The following GRK3 variants were observed in gnomAD, a reference collection of about 807,000 sequenced individuals.
GRK3 encodes the protein G protein-coupled receptor kinase 3.
Under a neutral mutation model 95.7 loss-of-function variants are expected in GRK3, and 54 were observed. The observed-to-expected ratio is 0.56, with a 90% CI of 0.45 to 0.71. The LOEUF (loss-of-function observed/expected upper bound fraction) is 0.71. Ranked by LOEUF, GRK3 falls within the 30% of genes least tolerant of loss-of-function variation. The pLI, the probability that GRK3 is intolerant of heterozygous loss-of-function variation, is 0.00. For synonymous variants in GRK3, 281 were observed against 290.8 expected (o/e 0.97, Z 0.34); for missense variants, 649 against 851.2 (o/e 0.76, Z 2.96).
chr22:25,644,046 G>A (rs2084762200), intron 2 of GRK3, among the ~76,000 whole-genome samples: 1 of 152,146 alleles, frequency 6.6e-6, no homozygotes, highest in African/African-American at 2.4e-5. Context: ...TCTGGCACTA[G>A]GTATTCGGTA....
At chr22:25,648,828 C>A (rs1419070625) in intron 3 of GRK3, 4 of 1,155,846 alleles carry the variant, frequency 3.5e-6, no homozygotes, top group African/African-American at 3.0e-5. Context: ...AGAAAATCTT[C>A]TGTGCAAAAT....
At chr22:25,670,583 G>A (rs974850390) in intron 6 of GRK3, among the ~76,000 whole-genome samples, 5 of 151,948 alleles carry the variant, frequency 3.3e-5, no homozygotes, top group Non-Finnish European at 5.9e-5. Flanking sequence ...AGGCATTCCA[G>A]TATGATGCTA....
intron 4 of GRK3, 145 bp from the exon 5 acceptor site, chr22:25,663,485 G>T (rs1184089719): frequency 5.2e-6 from 3 of 575,300 alleles, no homozygotes; most frequent in Non-Finnish European, 9.0e-6. Flanking sequence ...ATACTCAACA[G>T]ATTTTTAAAG....
At chr22:25,572,730 A>G (rs868091970) in intron 1 of GRK3, among the ~76,000 whole-genome samples, 6 of 152,340 alleles carry the variant, frequency 3.9e-5, no homozygotes, top group Middle Eastern at 3.4e-3. Flanking sequence ...CAATTAGCAG[A>G]GTTGACTCAT....
At chr22:25,720,726 C>T (rs1256896798) in intron 19 of GRK3, among the ~76,000 whole-genome samples, 13 of 152,074 alleles carry the variant, frequency 8.5e-5, no homozygotes, top group African/African-American at 2.2e-4. Flanking sequence ...GCACCCGCCT[C>T]GGCCTCCCAA....
rs1466441377 is a variant in GRK3 at position 25,566,890 on chromosome 22, A to T, written c.113+1737A>T. ...ATACAAAATTGATAAATCTCAACTC[A>T]TGGGCAGTTTTTTTTTTGGGGGGGG... On this transcript the variant is annotated intron_variant, in intron 1 of 20. Coordinates refer to ENST00000324198, the MANE Select transcript of GRK3 (RefSeq NM_005160.4). Among the ~76,000 whole-genome samples the T allele has an allele frequency of 2.0e-5, 3 of 149,716 alleles. No homozygotes were observed. In the East Asian group the frequency reaches 5.8e-4, roughly 29 times the overall value.
At chr22:25,672,553 T>G (rs1408359225) in intron 7 of GRK3, among the ~76,000 whole-genome samples, 2 of 152,216 alleles carry the variant, frequency 1.3e-5, no homozygotes, top group Non-Finnish European at 2.9e-5. Flanking sequence ...CATATTCATA[T>G]GAGAATGTGC....
rs373099017 is a variant in GRK3 at position 25,675,862 on chromosome 22, C to T, written c.647+1334C>T. Reference sequence around the variant, plus strand: ...GCCTGGGCAGGGCGAGCCTGATGCCCGGCACTCAGGAGTTTGAAGTCTGGG... The same window carrying T: ...GCCTGGGCAGGGCGAGCCTGATGCCTGGCACTCAGGAGTTTGAAGTCTGGG... On this transcript the variant is annotated intron_variant, in intron 8 of 20. Coordinates refer to ENST00000324198, the MANE Select transcript of GRK3 (RefSeq NM_005160.4). 1.6e-3 allele frequency among the ~76,000 whole-genome samples: 239 copies of T among 152,302 alleles called. 5 individuals carry two copies. The Middle Eastern group carries it at 0.027, about 17-fold the overall frequency.
At chr22:25,621,533 C>T (rs767896082) in intron 2 of GRK3, among the ~76,000 whole-genome samples, 29 of 152,148 alleles carry the variant, frequency 1.9e-4, no homozygotes, top group Non-Finnish European at 3.7e-4. Context: ...GATTTAATGA[C>T]AAATATATGA....
chr22:25,629,274 G>A (rs1050198950), intron 2 of GRK3, among the ~76,000 whole-genome samples: 2 of 152,206 alleles, frequency 1.3e-5, no homozygotes, highest in African/African-American at 4.8e-5. Flanking sequence ...AGGTTTGTGA[G>A]AAAGGGGCTA....
At chr22:25,576,587 A>G (rs1290122293) in intron 1 of GRK3, among the ~76,000 whole-genome samples, 2 of 152,176 alleles carry the variant, frequency 1.3e-5, no homozygotes, top group African/African-American at 4.8e-5. Flanking sequence ...TCATCATCTT[A>G]TTTTAGAAGA....
At chr22:25,649,033 T>C (rs1424097837) in intron 3 of GRK3, 16 of 1,344,594 alleles carry the variant, frequency 1.2e-5, no homozygotes, top group Non-Finnish European at 1.6e-5. Context: ...CCAGGTATGG[T>C]GAACCATGAA....
intron 15 of GRK3, among the ~76,000 whole-genome samples, chr22:25,706,757 A>C (rs564623399): frequency 6.6e-6 from 1 of 152,192 alleles, no homozygotes; most frequent in Admixed American, 6.5e-5. Context: ...TCCTGATCTC[A>C]AGTGATCTAT....
At chr22:25,682,079 T>G (rs2085078976) in intron 9 of GRK3, among the ~76,000 whole-genome samples, 1 of 152,228 alleles carries the variant, frequency 6.6e-6, no homozygotes, top group South Asian at 2.1e-4. Context: ...CCTGCGTGTT[T>G]ATTTTACATC....
At chr22:25,614,156 C>T (rs1292368353) in intron 2 of GRK3, among the ~76,000 whole-genome samples, 1 of 151,990 alleles carries the variant, frequency 6.6e-6, no homozygotes, top group African/African-American at 2.4e-5. Flanking sequence ...TGAGACGGGT[C>T]TCATTCTGTG....
At chr22:25,569,834 C>G (rs1931621703) in intron 1 of GRK3, among the ~76,000 whole-genome samples, 2 of 152,114 alleles carry the variant, frequency 1.3e-5, no homozygotes, top group Middle Eastern at 3.4e-3. Context: ...GTTCATTTGT[C>G]CCCACAGTAG....
chr22:25,687,331 G>A (rs1282613378), intron 10 of GRK3, among the ~76,000 whole-genome samples: 1 of 152,024 alleles, frequency 6.6e-6, no homozygotes, highest in Non-Finnish European at 1.5e-5. Flanking sequence ...TGTCCTTCCT[G>A]TCATTGTATT....
At chr22:25,593,010 A>G (rs1932547459) in intron 1 of GRK3, among the ~76,000 whole-genome samples, 1 of 152,158 alleles carries the variant, frequency 6.6e-6, no homozygotes, top group African/African-American at 2.4e-5. Flanking sequence ...TTTAATGGCA[A>G]TATAGTATCC....
At chr22:25,582,655 A>G (rs920088672) in intron 1 of GRK3, among the ~76,000 whole-genome samples, 2 of 152,218 alleles carry the variant, frequency 1.3e-5, no homozygotes, top group African/African-American at 4.8e-5. Flanking sequence ...CAGTGTAAAT[A>G]TTCATGTATA....
Sources: gnomAD v4.1 joint callset for allele counts (sites outside exome capture counted in the v4.1 genomes callset) on GRCh38, gnomAD v4.1.1 for gene constraint, MANE v1.5 for transcripts, NCBI Gene and HGNC (gene_info 2026-07-23, HGNC 2026-07-21) for gene names.